The following SH3RF2 variants were observed in gnomAD, a reference collection of about 807,000 sequenced individuals.
SH3RF2 encodes the protein SH3 domain containing ring finger 2.
Under a neutral mutation model 59.0 loss-of-function variants are expected in SH3RF2, and 43 were observed. That is an observed-to-expected ratio of 0.73 (90% confidence interval 0.57 to 0.94). The LOEUF (loss-of-function observed/expected upper bound fraction) is 0.94, where lower values mean the gene tolerates loss of function less well. Among genes scored for constraint, SH3RF2 ranks in the 40% least tolerant of loss-of-function variants. SH3RF2 has a pLI of 0.00. For synonymous variants in SH3RF2, 391 were observed against 391.5 expected, an observed-to-expected ratio of 1.00 and a Z score of 0.01; for missense variants, 930 against 940.1, an observed-to-expected ratio of 0.99 and a Z score of 0.14.
chr5:146,064,844 G>GA (rs1318241004), downstream of SH3RF2, among the ~76,000 whole-genome samples: 2 of 15,640 alleles, frequency 1.3e-4, no homozygotes, highest in South Asian at 0.019. Context: ...AAGAAAGAAA[G>GA]AAAGAAAGAA....
At chr5:145,952,401 A>G (rs1758223339) in intron 2 of SH3RF2, among the ~76,000 whole-genome samples, 1 of 152,084 alleles carries the variant, frequency 6.6e-6, no homozygotes, top group Non-Finnish European at 1.5e-5. Context: ...TAACAGCACT[A>G]TAGAAAAAAA....
chr5:146,057,984 C>CTATCTATCTATA (rs1554120847), intron 8 of SH3RF2, among the ~76,000 whole-genome samples: 3 of 145,742 alleles, frequency 2.1e-5, no homozygotes, highest in African/African-American at 8.0e-5. Flanking sequence ...ATCTATCTAT[C>CTATCTATCTATA]TATATATATA....
intron 2 of SH3RF2, among the ~76,000 whole-genome samples, chr5:145,979,293 A>G (rs1759422681): frequency 2.0e-5 from 3 of 152,246 alleles, no homozygotes; most frequent in African/African-American, 7.2e-5. Flanking sequence ...AAGCCCTCCA[A>G]GTGATTCCAA....
chr5:145,990,005 A>G (rs557916406), intron 2 of SH3RF2, among the ~76,000 whole-genome samples: 71 of 152,352 alleles, frequency 4.7e-4, no homozygotes, highest in African/African-American at 1.5e-3. Context: ...CTGGGTTTCA[A>G]ATATGTGCTG....
At chr5:145,992,527 C>A (rs946679205) in intron 2 of SH3RF2, among the ~76,000 whole-genome samples, 4 of 152,156 alleles carry the variant, frequency 2.6e-5, no homozygotes, top group Non-Finnish European at 4.4e-5. Flanking sequence ...CAAGACTGGG[C>A]AATTTACAAA....
intron 3 of SH3RF2, among the ~76,000 whole-genome samples, chr5:146,000,917 C>G (rs1044713484): frequency 6.6e-6 from 1 of 152,162 alleles, no homozygotes. Context: ...AAAACTACAG[C>G]CTCTACCTCT....
chr5:145,948,079 A>G (rs1758060309), intron 2 of SH3RF2, among the ~76,000 whole-genome samples: 1 of 152,224 alleles, frequency 6.6e-6, no homozygotes, highest in Non-Finnish European at 1.5e-5. Context: ...GAGTACATGT[A>G]TGGAGGACTT....
At chr5:146,064,171 T>C (rs1166870809), downstream of SH3RF2, among the ~76,000 whole-genome samples, 3 of 151,444 alleles carry the variant, frequency 2.0e-5, no homozygotes, top group Non-Finnish European at 4.4e-5. Context: ...AAAGAAAATG[T>C]GGAGGAAAGA....
intron 2 of SH3RF2, among the ~76,000 whole-genome samples, chr5:145,975,829 C>A (rs562568586): frequency 1.3e-5 from 2 of 152,238 alleles, no homozygotes; most frequent in Non-Finnish European, 2.9e-5. Flanking sequence ...CTGCTCTGTG[C>A]CTCACATCCC....
chr5:145,983,556 A>T (rs539238914), intron 2 of SH3RF2, among the ~76,000 whole-genome samples: 1 of 152,324 alleles, frequency 6.6e-6, no homozygotes, highest in African/African-American at 2.4e-5. Flanking sequence ...CAGCTCATGG[A>T]AATGAGATTG....
intron 9 of SH3RF2, among the ~76,000 whole-genome samples, chr5:146,071,129 C>A (rs1185041583): frequency 1.3e-5 from 2 of 152,276 alleles, no homozygotes; most frequent in South Asian, 2.1e-4. Flanking sequence ...ATTCAGGAGA[C>A]CCTCACAAAT....
Position 146,020,937 on chromosome 5 carries a change from C to A in SH3RF2, c.1059+6876C>A, listed in dbSNP as rs377705618. On this transcript the variant is annotated intron_variant, in intron 5 of 9. Transcript: ENST00000359120. ...CCTCATCTGGGAAGATGAGCTGTCA[C>A]GAGCCTTGGGGAATTCTGAGGTCTA... is the stretch of plus-strand genomic sequence containing the variant. Among the ~76,000 whole-genome samples the A allele has an allele frequency of 1.8e-3, 269 of 152,220 alleles. 1 individual carries two copies. The highest frequency in any genetic ancestry group is 6.3e-3 in the African/African-American group (263 of 41,508).
chr5:145,939,873 C>T (rs566579998), intron 2 of SH3RF2, among the ~76,000 whole-genome samples: 36 of 152,302 alleles, frequency 2.4e-4, no homozygotes, highest in African/African-American at 8.7e-4. Flanking sequence ...TCATCACTTA[C>T]TCAGGAAACG....
At chr5:146,074,387 A>G (rs1420983331) in intron 9 of SH3RF2, among the ~76,000 whole-genome samples, 1 of 152,152 alleles carries the variant, frequency 6.6e-6, no homozygotes, top group Non-Finnish European at 1.5e-5. Context: ...ATGCCACTGG[A>G]GTTATTACAA....
intron 2 of SH3RF2, among the ~76,000 whole-genome samples, chr5:145,948,032 G>A (rs573575012): frequency 7.9e-5 from 12 of 152,154 alleles, no homozygotes; most frequent in African/African-American, 2.2e-4. Flanking sequence ...CATGTGTTAC[G>A]AGAGCACAGA....
chr5:146,036,647 A>T (rs1438665094), intron 5 of SH3RF2, among the ~76,000 whole-genome samples: 2 of 152,210 alleles, frequency 1.3e-5, no homozygotes, highest in Admixed American at 6.5e-5. Context: ...GTGAGCCGAG[A>T]TCACGTCACT....
In SH3RF2 at chr5:146,049,139, G is replaced by A; in HGVS notation, c.1216G>A (p.Gly406Ser). The change falls in exon 7 of 10, where the codon GGC (glycine) becomes AGC (serine). Residue 406 changes from glycine to serine, a missense_variant. Coordinates refer to ENST00000359120, the MANE Select transcript of SH3RF2 (RefSeq NM_152550.4). The stretch of plus-strand genomic sequence containing the variant: ...TGAGCTGGACCTGCAAAAGGGAGAA[G>A]GCGTCAGGGTCCTGGGGAAGTGCCA... ...PDELDLQKGE[G>S]VRVLGKCQDG... is the part of the protein sequence containing the mutation. 1 of 1,614,164 alleles carries A rather than the reference G, an allele frequency of 6.2e-7. No individual in the cohort carries two copies. Among genetic ancestry groups the A allele is most frequent in the Non-Finnish European group, 8.5e-7 (1 of 1,180,030 alleles).
chr5:146,046,172 A>G (rs1260727410), intron 5 of SH3RF2, among the ~76,000 whole-genome samples: 2 of 152,142 alleles, frequency 1.3e-5, no homozygotes, highest in East Asian at 3.9e-4. Flanking sequence ...CATAATCACA[A>G]TCCTTTATAC....
At chr5:145,953,786 A>C (rs956656568) in intron 2 of SH3RF2, among the ~76,000 whole-genome samples, 6 of 152,058 alleles carry the variant, frequency 3.9e-5, no homozygotes, top group Admixed American at 6.6e-5. Context: ...TTTAGCTCCC[A>C]CTTAAAAGTG....
Sources: gnomAD v4.1 joint callset for allele counts (sites outside exome capture counted in the v4.1 genomes callset) on GRCh38, gnomAD v4.1.1 for gene constraint, MANE v1.5 for transcripts, NCBI Gene and HGNC (gene_info 2026-07-23, HGNC 2026-07-21) for gene names.